Variants in KLRF2 observed in about 807,000 individuals in gnomAD.
The protein encoded by KLRF2 is killer cell lectin-like receptor subfamily F member 2.
KLRF2 carries 28 observed loss-of-function variants against 25.3 expected under a neutral mutation model. The ratio of observed to expected loss-of-function variants is 1.11; its 90% CI spans 0.82 to 1.52. The LOEUF (loss-of-function observed/expected upper bound fraction) is 1.52, where lower values mean the gene tolerates loss of function less well. KLRF2 is among the 40% of genes most tolerant of loss of function. The pLI is 0.00. For missense variants in KLRF2, 265 were observed against 245.8 expected, an observed-to-expected ratio of 1.08 and a Z score of -0.52; for synonymous variants, 73 against 85.0, an observed-to-expected ratio of 0.86 and a Z score of 0.78.
intron 3 of KLRF2, among the ~76,000 whole-genome samples, chr12:9,890,420 C>T (rs538271215): frequency 9.2e-5 from 14 of 152,274 alleles, no homozygotes; most frequent in Middle Eastern, 3.4e-3. Flanking sequence ...TCCAAGCTCT[C>T]TCTTACGGTG....
At chr12:9,886,763 CAA>C (rs770999069) in intron 2 of KLRF2, among the ~76,000 whole-genome samples, 1,834 of 103,452 alleles carry the variant, frequency 0.018, 31 homozygotes, top group African/African-American at 0.065. Flanking sequence ...CTATATCATG[CAA>C]AAAAAAAAAA....
chr12:9,883,347 A>G (rs763091624), intron 1 of KLRF2, among the ~76,000 whole-genome samples: 25 of 152,230 alleles, frequency 1.6e-4, no homozygotes, highest in Non-Finnish European at 3.4e-4. Flanking sequence ...ATTTCTTCAT[A>G]TAGCCCTGTG....
At chr12:9,885,685 A>G (rs973253242) in intron 2 of KLRF2, among the ~76,000 whole-genome samples, 10 of 152,024 alleles carry the variant, frequency 6.6e-5, no homozygotes, top group African/African-American at 2.4e-4. Flanking sequence ...TCCCAATACA[A>G]CAAGGGAAAA....
intron 1 of KLRF2, 27 bp from the exon 2 acceptor site, chr12:9,884,907 C>A: frequency 1.3e-6 from 1 of 762,806 alleles, no homozygotes; most frequent in Non-Finnish European, 1.9e-6. Context: ...TGAATAATCA[C>A]AAGAATTCTA....
At position 9,895,695 on chromosome 12, in the gene KLRF2, A is replaced by G. The variant is rs758464013; in HGVS notation, c.486A>G (p.Ser162=). 4.6e-6 allele frequency: 7 copies of G among 1,529,406 alleles called. No homozygotes were observed. In the South Asian group the frequency reaches 7.3e-5, roughly 16 times the overall value. 94.7% of individuals were successfully genotyped at this position (1,529,406 alleles called of 1,614,324 possible). The change falls in exon 6 of 6, where the codon TCA becomes TCG. Residue 162 remains serine (S), a synonymous_variant. Transcript: ENST00000535540. ...DEHFLVPELF[S]VIGPTDDRSC... ...TCTGTCCTTTGTCTCTTAGGTTTTC[A>G]GTGATTGGACCAACTGATGACAGGA...
At chr12:9,895,642 T>C (rs1862747886) in intron 5 of KLRF2, 47 bp from the exon 6 acceptor site, 1 of 1,468,802 alleles carries the variant, frequency 6.8e-7, no homozygotes, top group Non-Finnish European at 9.0e-7. Context: ...AAAGATACTA[T>C]TATCATTTTA....
At chr12:9,891,090 G>A (rs1199664453) in intron 3 of KLRF2, among the ~76,000 whole-genome samples, 2 of 149,492 alleles carry the variant, frequency 1.3e-5, no homozygotes, top group African/African-American at 4.9e-5. Context: ...GGTAGGTCAT[G>A]GTTGGGCACA....
Position 9,881,519 on chromosome 12 carries a change from A to G in KLRF2, c.-77A>G, listed in dbSNP as rs1210782379. 1.9e-6 allele frequency: 2 copies of G among 1,059,534 alleles called. No homozygotes were observed. Among genetic ancestry groups the G allele is most frequent in the Non-Finnish European group, 2.8e-6 (2 of 724,354 alleles). 65.6% of individuals were successfully genotyped at this position (1,059,534 alleles called of 1,614,324 possible). On this transcript the variant is annotated 5_prime_UTR_variant, in exon 1 of 6. Coordinates refer to ENST00000535540, the MANE Select transcript of KLRF2 (RefSeq NM_001190765.1). The stretch of plus-strand genomic sequence containing the variant: ...TCTTTTAGTACCTTGTGCCAAAGAG[A>G]CATATCCAAGGTTGAGATTAGTTTC...
chr12:9,887,340 A>G (rs1862610127), intron 2 of KLRF2, among the ~76,000 whole-genome samples: 1 of 152,228 alleles, frequency 6.6e-6, no homozygotes, highest in Non-Finnish European at 1.5e-5. Flanking sequence ...GAGTAAAAAT[A>G]TAATCCTAAA....
At chr12:9,894,206 G>C (rs955787877) in intron 5 of KLRF2, among the ~76,000 whole-genome samples, 17 of 137,436 alleles carry the variant, frequency 1.2e-4, no homozygotes, top group African/African-American at 4.4e-4. Context: ...TTTTTCAGCA[G>C]AGCCTTGCTC....
At chr12:9,886,213 A>G (rs1862596080) in intron 2 of KLRF2, among the ~76,000 whole-genome samples, 2 of 152,134 alleles carry the variant, frequency 1.3e-5, no homozygotes, top group South Asian at 4.1e-4. Context: ...CAATTACAAT[A>G]TGTGTGTTTC....
rs1480031387 is a variant in KLRF2, at chr12:9,885,038, T to C, written c.169+6T>C. 1.8e-6 allele frequency: 2 copies of C among 1,122,438 alleles called. No individual in the cohort carries two copies. Among genetic ancestry groups the C allele is most frequent in the Non-Finnish European group, 2.3e-6 (2 of 869,560 alleles). 69.5% of individuals were successfully genotyped at this position (1,122,438 alleles called of 1,614,324 possible). A position where few individuals can be genotyped will look rare whatever the true frequency, so the allele number is the denominator to read the frequency against. On this transcript the variant is annotated splice_donor_region_variant and intron_variant, in intron 2 of 5. Transcript: ENST00000535540. Reference sequence around the variant, plus strand: ...GATTGACCTGAAGTTCTGGCGTGAGTAGTAAATTTTTATTTATTTGAACAT... The same window carrying C: ...GATTGACCTGAAGTTCTGGCGTGAGCAGTAAATTTTTATTTATTTGAACAT...
chr12:9,883,739 T>C (rs1318908216), intron 1 of KLRF2, among the ~76,000 whole-genome samples: 2 of 152,168 alleles, frequency 1.3e-5, no homozygotes, highest in African/African-American at 4.8e-5. Context: ...TACAGACAAT[T>C]GAGTAGCAAA....
Position 9,893,478 on chromosome 12 carries a change from T to G in KLRF2, c.416T>G (p.Leu139Arg). 6.6e-7 allele frequency: 1 copy of G among 1,522,830 alleles called. No individual in the cohort carries two copies. The highest frequency in any genetic ancestry group is 8.8e-7 in the Non-Finnish European group (1 of 1,135,716). The allele number at this position is 1,522,830 out of a possible 1,614,324, so 94.3% of individuals were successfully genotyped here. The change falls in exon 5 of 6, where the codon CTA becomes CGA. Residue 139 changes from leucine (L) to arginine (R), a missense_variant. Transcript: ENST00000535540. The stretch of plus-strand genomic sequence containing the variant: ...CCTGGACATTTTGGTTGGATTGGAC[T>G]ATATGTTACATTCCAAGGGAACCTA... ...LKPGHFGWIG[L>R]YVTFQGNLWM...
chr12:9,882,107 A>T (rs1565520294), intron 1 of KLRF2, among the ~76,000 whole-genome samples: 1 of 152,030 alleles, frequency 6.6e-6, no homozygotes, highest in African/African-American at 2.4e-5. Flanking sequence ...GCGAGAAGAG[A>T]GAAAAAAAAA....
intron 1 of KLRF2, among the ~76,000 whole-genome samples, chr12:9,884,116 G>A (rs11053497): frequency 0.047 from 7,151 of 152,138 alleles, 375 homozygotes; most frequent in East Asian, 0.27. Flanking sequence ...TGAAAAAAGT[G>A]TATACATCCA....
chr12:9,893,059 A>G lies in KLRF2; in HGVS notation c.257A>G (p.Glu86Gly). ...YLCPNDWLLNEGKCYWFSTSF... is the reference protein window; with the variant it reads ...YLCPNDWLLNGGKCYWFSTSF... Reference sequence around the variant, plus strand: ...TGCCCAAATGACTGGCTGTTGAACGAAGGGAAATGTTACTGGTTTTCAACT... The same window carrying G: ...TGCCCAAATGACTGGCTGTTGAACGGAGGGAAATGTTACTGGTTTTCAACT... Residue 86 changes from glutamate (E) to glycine (G), a missense_variant, in exon 4 of 6, where the codon GAA becomes GGA. Coordinates refer to ENST00000535540, the MANE Select transcript of KLRF2 (RefSeq NM_001190765.1). The G allele has an allele frequency of 6.5e-7, 1 of 1,535,844 alleles. No homozygotes were observed. The highest frequency in any genetic ancestry group is 8.7e-7 in the Non-Finnish European group (1 of 1,146,728).
intron 1 of KLRF2, among the ~76,000 whole-genome samples, chr12:9,882,420 A>C (rs1037590288): frequency 2.0e-5 from 3 of 152,174 alleles, no homozygotes; most frequent in African/African-American, 4.8e-5. Flanking sequence ...TCATGAAACA[A>C]ATGTTTACTT....
rs566647350 is a variant in KLRF2 at position 9,881,872 on chromosome 12, G to A, written c.70+207G>A. On this transcript the variant is annotated intron_variant, in intron 1 of 5. Transcript: ENST00000535540. ...CAGAGCCATGAGGTAAGAGAAATGC[G>A]AATATGACGATGTGTAATCCTGTGT... Among the ~76,000 whole-genome samples the A allele has an allele frequency of 3.1e-4, 47 of 152,164 alleles. No homozygotes were observed. In the South Asian group the frequency reaches 3.9e-3, roughly 13 times the overall value.
Sources: gnomAD v4.1 joint callset for allele counts (sites outside exome capture counted in the v4.1 genomes callset) on GRCh38, gnomAD v4.1.1 for gene constraint, MANE v1.5 for transcripts, NCBI Gene and HGNC (gene_info 2026-07-23, HGNC 2026-07-21) for gene names.